Variants in COL23A1 observed in about 807,000 individuals in gnomAD.
The protein encoded by COL23A1 is collagen alpha-1(XXIII) chain.
Under a neutral mutation model 99.3 loss-of-function variants are expected in COL23A1, and 97 were observed. That is an observed-to-expected ratio of 0.98 (90% confidence interval 0.83 to 1.16). The LOEUF (loss-of-function observed/expected upper bound fraction) is 1.16. Among genes scored for constraint, COL23A1 ranks in the 50% most tolerant of loss-of-function variants. COL23A1 has a pLI of 0.00. For synonymous variants in COL23A1, 320 were observed against 308.2 expected (o/e 1.04, Z -0.40); for missense variants, 762 against 757.4 (o/e 1.01, Z -0.07).
In COL23A1 at chr5:178,589,889, C is replaced by CGCCA; in HGVS notation, c.294+11_294+14dup. ...CACACCCAAGTCCGCCCCAGCCACGCGCCAAGACGCTCACCTCCCGCAGCA... is the reference window on the plus strand; with the variant it reads ...CACACCCAAGTCCGCCCCAGCCACGCGCCAGCCAAGACGCTCACCTCCCGCAGCA... On this transcript the variant is annotated intron_variant, in intron 1 of 28. Transcript: ENST00000390654. This position sits in a 1 kb window ranked among gnomAD's most constrained non-coding sequence, Gnocchi z 5.4. The CGCCA allele has an allele frequency of 7.7e-7, 1 of 1,303,564 alleles. No individual in the cohort carries two copies. The highest frequency in any genetic ancestry group is 9.7e-7 in the Non-Finnish European group (1 of 1,031,354). The allele number at this position is 1,303,564 out of a possible 1,614,324, so 80.7% of individuals were successfully genotyped here.
intron 8 of COL23A1, among the ~76,000 whole-genome samples, chr5:178,263,597 G>A (rs1029940223): frequency 6.6e-6 from 1 of 152,232 alleles, no homozygotes; most frequent in Non-Finnish European, 1.5e-5. Flanking sequence ...CCAGTGTTTA[G>A]GAGAGAGATG....
Position 178,238,500 on chromosome 5 carries a change from C to T in COL23A1, c.*198G>A. 1.5e-6 allele frequency: 1 copy of T among 659,172 alleles called. No homozygotes were observed. The highest frequency in any genetic ancestry group is 2.6e-6 in the Non-Finnish European group (1 of 382,660). The allele number at this position is 659,172 out of a possible 1,614,324, so 40.8% of individuals were successfully genotyped here. A position where few individuals can be genotyped will look rare whatever the true frequency, so the allele number is the denominator to read the frequency against. ...GGCCCAAGGGTGCCCCTCAGGTACA[C>T]ATCTCCCTGGTCTGGCCTGTCCACT... On this transcript the variant is annotated 3_prime_UTR_variant, in exon 29 of 29. Transcript: ENST00000390654.
chr5:178,335,062 T>C (rs1029323808), intron 2 of COL23A1, among the ~76,000 whole-genome samples: 6 of 152,154 alleles, frequency 3.9e-5, no homozygotes, highest in Non-Finnish European at 8.8e-5. Flanking sequence ...CTGGGGAGCC[T>C]GGTAAGTGGG....
intron 2 of COL23A1, among the ~76,000 whole-genome samples, chr5:178,452,456 C>G (rs969206933): frequency 6.6e-6 from 1 of 152,122 alleles, no homozygotes; most frequent in African/African-American, 2.4e-5. Context: ...TCTTTCTAAT[C>G]CAGGAACCAT....
intron 2 of COL23A1, among the ~76,000 whole-genome samples, chr5:178,551,580 C>A (rs1343326115): frequency 6.6e-6 from 1 of 152,168 alleles, no homozygotes; most frequent in Non-Finnish European, 1.5e-5. Context: ...CTGTGCCCAC[C>A]CACCCAGTTT....
chr5:178,357,125 G>T (rs980496204), intron 2 of COL23A1, among the ~76,000 whole-genome samples: 5 of 152,234 alleles, frequency 3.3e-5, no homozygotes, highest in African/African-American at 9.6e-5. Flanking sequence ...GTTCCCTTCT[G>T]TTCTTTCAGT....
At chr5:178,402,321 T>C (rs1293516797) in intron 2 of COL23A1, among the ~76,000 whole-genome samples, 2 of 152,000 alleles carry the variant, frequency 1.3e-5, no homozygotes, top group African/African-American at 2.4e-5. Flanking sequence ...TGAGACCCTG[T>C]CTCTAAAAAC....
chr5:178,268,755 C>A lies in COL23A1; in HGVS notation c.470G>T (p.Gly157Val), dbSNP rs1197792238. The change falls in exon 7 of 29, where the codon GGA (glycine) becomes GTA (valine). Residue 157 changes from glycine (G) to valine (V), a missense_variant and splice_region_variant. Coordinates refer to ENST00000390654, the MANE Select transcript of COL23A1 (RefSeq NM_173465.4). ...CTTTTCCCCTTTCGGGCCTGGAAGT[C>A]CCTGGAAAAGGAAAGTGGAGAAAGA... ...PGPLGLDGKP[G>V]LPGPKGEKGA... 6.2e-7 allele frequency: 1 copy of A among 1,603,596 alleles called. No individual in the cohort carries two copies. Among genetic ancestry groups the A allele is most frequent in the Non-Finnish European group, 8.5e-7 (1 of 1,173,510 alleles).
At chr5:178,239,605 T>C (rs1292382695) in intron 27 of COL23A1, among the ~76,000 whole-genome samples, 1 of 94,640 alleles carries the variant, frequency 1.1e-5, no homozygotes, top group African/African-American at 4.5e-5. Flanking sequence ...ACACTGACTC[T>C]GGCCTGGGTC....
chr5:178,398,498 G>A (rs1490560866), intron 2 of COL23A1, among the ~76,000 whole-genome samples: 1 of 151,960 alleles, frequency 6.6e-6, no homozygotes, highest in Non-Finnish European at 1.5e-5. Context: ...GTGGTGGCAC[G>A]TGCCTATAGT....
At chr5:178,437,355 C>G (rs937345569) in intron 2 of COL23A1, among the ~76,000 whole-genome samples, 15 of 152,302 alleles carry the variant, frequency 9.8e-5, no homozygotes, top group Admixed American at 9.8e-4. Flanking sequence ...TAGGACCTAC[C>G]TGGGATGAAA....
At chr5:178,357,736 G>GTA (rs1491014244) in intron 2 of COL23A1, among the ~76,000 whole-genome samples, 2 of 150,016 alleles carry the variant, frequency 1.3e-5, no homozygotes, top group Non-Finnish European at 3.0e-5. Context: ...GTGTGTGTGT[G>GTA]TATGTACGTG....
intron 2 of COL23A1, among the ~76,000 whole-genome samples, chr5:178,410,077 A>T (rs1474294077): frequency 6.6e-6 from 1 of 152,214 alleles, no homozygotes; most frequent in African/African-American, 2.4e-5. Context: ...CATCAAATTG[A>T]GACAAACAGT....
chr5:178,403,108 CAAA>C (rs200567150), intron 2 of COL23A1, among the ~76,000 whole-genome samples: 1 of 46,672 alleles, frequency 2.1e-5, no homozygotes. Context: ...GACTCCATCT[CAAA>C]AAAAAAAAAA....
chr5:178,354,957 C>A (rs1167998239), intron 2 of COL23A1, among the ~76,000 whole-genome samples: 1 of 151,442 alleles, frequency 6.6e-6, no homozygotes, highest in Non-Finnish European at 1.5e-5. Context: ...ACTCGGGAGG[C>A]TGAAGCAGGA....
rs190759814 is a variant in COL23A1, at chr5:178,286,001, G to C, written c.441+2323C>G. Among the ~76,000 whole-genome samples, 227 of 152,298 alleles carry C rather than the reference G, an allele frequency of 1.5e-3. 1 individual carries two copies. Among genetic ancestry groups the C allele is most frequent in the African/African-American group, 4.9e-3 (204 of 41,578 alleles). ...CCCAGGTGGTGGTGTGAGAACGAGG[G>C]GTCTGGAGGCACACAGCTGGTCTTG... On this transcript the variant is annotated intron_variant, in intron 5 of 28. Coordinates refer to ENST00000390654, the MANE Select transcript of COL23A1 (RefSeq NM_173465.4).
At chr5:178,322,227 C>T (rs973567704) in intron 2 of COL23A1, among the ~76,000 whole-genome samples, 2 of 150,486 alleles carry the variant, frequency 1.3e-5, no homozygotes, top group Admixed American at 6.6e-5. Context: ...CTCCTGACCT[C>T]GTGATCCGCC....
At chr5:178,419,136 G>A (rs1351139691) in intron 2 of COL23A1, among the ~76,000 whole-genome samples, 1 of 152,178 alleles carries the variant, frequency 6.6e-6, no homozygotes, top group East Asian at 1.9e-4. Flanking sequence ...GGCATCACCC[G>A]GTGTCTAACG....
At chr5:178,585,749 T>TGGATGGC (rs1273881656) in intron 1 of COL23A1, among the ~76,000 whole-genome samples, 1 of 151,402 alleles carries the variant, frequency 6.6e-6, no homozygotes, top group African/African-American at 2.4e-5. Context: ...TGGCTGACCC[T>TGGATGGC]GTTGGTTGCT....
Sources: gnomAD v4.1 joint callset for allele counts (sites outside exome capture counted in the v4.1 genomes callset) on GRCh38, gnomAD v4.1.1 for gene constraint, Gnocchi (gnomAD v3.1) non-coding constraint, MANE v1.5 for transcripts, NCBI Gene and HGNC (gene_info 2026-07-23, HGNC 2026-07-21) for gene names.